Variants in SLAIN2 observed in about 807,000 individuals in gnomAD.
The protein encoded by SLAIN2 is SLAIN motif-containing protein 2.
In SLAIN2, 31 loss-of-function variants were observed where a neutral mutation model predicts 56.6. That is an observed-to-expected ratio of 0.55 (90% CI 0.41 to 0.74). The LOEUF is 0.74. Ranked by LOEUF, SLAIN2 falls within the 30% of genes least tolerant of loss-of-function variation. SLAIN2 has a pLI of 0.00. For synonymous variants in SLAIN2, 317 were observed against 284.9 expected (o/e 1.11, Z -1.13); for missense variants, 777 against 754.2 (o/e 1.03, Z -0.35).
chr4:48,385,913 G>T (rs1170232124), intron 6 of SLAIN2, among the ~76,000 whole-genome samples: 2 of 151,410 alleles, frequency 1.3e-5, no homozygotes, highest in South Asian at 4.2e-4. Context: ...ACCAGCCTGA[G>T]CAACACAAGA....
chr4:48,371,400 C>G (rs1337698603), intron 2 of SLAIN2, among the ~76,000 whole-genome samples: 2 of 151,932 alleles, frequency 1.3e-5, no homozygotes, highest in African/African-American at 2.4e-5. Context: ...AAAGCAATAG[C>G]CTTTATGTGA....
At position 48,358,353 on chromosome 4, in the gene SLAIN2, C is replaced by G. The variant is rs556062625; in HGVS notation, c.390-11496C>G. 1.4e-4 allele frequency among the ~76,000 whole-genome samples: 21 copies of G among 149,634 alleles called. No individual in the cohort carries two copies. In the South Asian group the frequency reaches 4.0e-3, roughly 29 times the overall value. On this transcript the variant is annotated intron_variant, in intron 1 of 7. Coordinates refer to ENST00000264313, the MANE Select transcript of SLAIN2 (RefSeq NM_020846.2). ...TTTTTTTTTGAGACGGAGTTTCACTCTTGTTGCCCATGCTGGAGTGCAATG... is the reference window on the plus strand; with the variant it reads ...TTTTTTTTTGAGACGGAGTTTCACTGTTGTTGCCCATGCTGGAGTGCAATG...
At chr4:48,355,718 C>A (rs564772524) in intron 1 of SLAIN2, among the ~76,000 whole-genome samples, 6 of 152,034 alleles carry the variant, frequency 3.9e-5, no homozygotes, top group African/African-American at 1.4e-4. Context: ...TTTAGCACTT[C>A]AATGTTAAGG....
Position 48,423,431 on chromosome 4 carries a change from G to T in SLAIN2, c.*1354G>T, listed in dbSNP as rs895426275. 1.4e-4 allele frequency: 21 copies of T among 152,220 alleles called. No homozygotes were observed. The highest frequency in any genetic ancestry group is 2.2e-4 in the Non-Finnish European group (15 of 68,002). 9.4% of individuals were successfully genotyped at this position (152,220 alleles called of 1,614,324 possible). ...CCTCTCATTTTTTATTATGAGGTCT[G>T]TTTTTAAATACTTAATTTGAACAGC... On this transcript the variant is annotated 3_prime_UTR_variant, in exon 8 of 8. Transcript: ENST00000264313.
intron 1 of SLAIN2, among the ~76,000 whole-genome samples, chr4:48,350,862 T>C (rs1714992905): frequency 6.6e-6 from 1 of 152,214 alleles, no homozygotes; most frequent in Non-Finnish European, 1.5e-5. Flanking sequence ...AAATATTGAT[T>C]CTATCTCCTT....
chr4:48,368,019 G>C (rs1333242116), intron 1 of SLAIN2, among the ~76,000 whole-genome samples: 1 of 140,420 alleles, frequency 7.1e-6, no homozygotes, highest in Non-Finnish European at 1.5e-5. Context: ...TTATGTGTCA[G>C]TATGCATTCA....
rs758038036 is a variant in SLAIN2 at position 48,420,412 on chromosome 4, C to T, written c.1648C>T (p.Pro550Ser). ...SAPSAGGIPV[P>S]RSKLAQPVRR... ...CCCTTCTGCTGGGGGCATACCAGTG[C>T]CTCGCAGCAAACTTGCACAGCCTGT... is the stretch of plus-strand genomic sequence containing the variant. Residue 550 changes from proline to serine, a missense_variant, in exon 7 of 8, where the codon CCT (proline) becomes TCT (serine). Coordinates refer to ENST00000264313, the MANE Select transcript of SLAIN2 (RefSeq NM_020846.2). 1.4e-5 allele frequency: 22 copies of T among 1,613,868 alleles called. No individual in the cohort carries two copies. The highest frequency in any genetic ancestry group is 8.5e-6 in the Non-Finnish European group (10 of 1,179,872).
intron 4 of SLAIN2, among the ~76,000 whole-genome samples, chr4:48,382,277 T>C (rs1357013460): frequency 6.6e-6 from 1 of 152,190 alleles, no homozygotes; most frequent in African/African-American, 2.4e-5. Flanking sequence ...GGTAGAAATA[T>C]TTTTAAATTT....
At chr4:48,383,269 T>C (rs2109763395) in intron 5 of SLAIN2, among the ~76,000 whole-genome samples, 1 of 152,238 alleles carries the variant, frequency 6.6e-6, no homozygotes, top group South Asian at 2.1e-4. Flanking sequence ...AGTTTTTGTA[T>C]TTCAGATAAG....
chr4:48,389,999 G>A lies in SLAIN2; in HGVS notation c.1360+6215G>A, dbSNP rs568063566. 4.6e-5 allele frequency among the ~76,000 whole-genome samples: 7 copies of A among 152,234 alleles called. No individual in the cohort carries two copies. The South Asian group carries it at 1.5e-3, about 32-fold the overall frequency. ...CTTAGGCTATTATTGCATAATCTAG[G>A]CAAGAAATTAAGATCTGAAGACACA... On this transcript the variant is annotated intron_variant, in intron 6 of 7. Transcript: ENST00000264313.
At chr4:48,376,832 C>T (rs1392819732) in intron 2 of SLAIN2, among the ~76,000 whole-genome samples, 7 of 150,162 alleles carry the variant, frequency 4.7e-5, no homozygotes, top group Admixed American at 2.7e-4. Context: ...ACCGTGGTCT[C>T]GAGCTCCTGA....
chr4:48,395,708 G>A (rs1716359275), intron 6 of SLAIN2, among the ~76,000 whole-genome samples: 1 of 148,798 alleles, frequency 6.7e-6, no homozygotes, highest in Non-Finnish European at 1.5e-5. Context: ...GGTCAGGTAT[G>A]TTAGTAATAG....
At chr4:48,398,418 G>A (rs1028674431) in intron 6 of SLAIN2, among the ~76,000 whole-genome samples, 1 of 151,734 alleles carries the variant, frequency 6.6e-6, no homozygotes, top group African/African-American at 2.4e-5. Context: ...TGGATAGATT[G>A]CAAAAACTTT....
chr4:48,374,725 A>G (rs537538545), intron 2 of SLAIN2, among the ~76,000 whole-genome samples: 4 of 152,200 alleles, frequency 2.6e-5, no homozygotes, highest in Non-Finnish European at 4.4e-5. Context: ...GAGGGTTGAT[A>G]ATGATAGCTA....
chr4:48,420,720 A>G (rs570608400), intron 7 of SLAIN2, among the ~76,000 whole-genome samples: 1 of 152,236 alleles, frequency 6.6e-6, no homozygotes, highest in Non-Finnish European at 1.5e-5. Context: ...GAGCCTCTCA[A>G]TTTGATTGTG....
Position 48,341,979 on chromosome 4 carries a change from G to A in SLAIN2, c.240G>A (p.Gly80=). ...GCGCCAAGTCGGGCGGCGGGCCCGGGTCGGGCCCGAGGCGGACGAGTAGCG... is the reference window on the plus strand; with the variant it reads ...GCGCCAAGTCGGGCGGCGGGCCCGGATCGGGCCCGAGGCGGACGAGTAGCG... ...GLSAKSGGGP[G]SGPRRTSSEE... is the part of the protein sequence containing the mutation. The change falls in exon 1 of 8, where the codon GGG becomes GGA. Residue 80 remains glycine (G), a synonymous_variant. Transcript: ENST00000264313. The A allele has an allele frequency of 2.8e-6, 4 of 1,434,380 alleles. No individual in the cohort carries two copies. Among genetic ancestry groups the A allele is most frequent in the East Asian group, 3.0e-5 (1 of 33,554 alleles). 88.9% of individuals were successfully genotyped at this position (1,434,380 alleles called of 1,614,324 possible).
intron 6 of SLAIN2, among the ~76,000 whole-genome samples, chr4:48,393,387 TGTGTGTGTGTGTGTGTGTGTG>T (rs1347004031): frequency 2.0e-4 from 2 of 10,182 alleles, no homozygotes; most frequent in African/African-American, 3.6e-4. Context: ...ATGTCTGGCT[TGTGTGTGTGTGTGTGTGTGTG>T]TGTGTGTGTG....
At chr4:48,385,946 T>C (rs530890277) in intron 6 of SLAIN2, among the ~76,000 whole-genome samples, 2 of 151,940 alleles carry the variant, frequency 1.3e-5, no homozygotes, top group African/African-American at 4.8e-5. Flanking sequence ...AAAAATGTTT[T>C]TTTTTTTTTA....
rs1472179054 is a variant in SLAIN2 at position 48,422,033 on chromosome 4, TATGGTAGC to T, written c.1706_1713del (p.Gly569GlufsTer3). The T allele has an allele frequency of 6.2e-7, 1 of 1,610,590 alleles. No homozygotes were observed. Among genetic ancestry groups the T allele is most frequent in the Non-Finnish European group, 8.5e-7 (1 of 1,178,552 alleles). On this transcript the variant is annotated frameshift_variant, in exon 8 of 8. Coordinates refer to ENST00000264313, the MANE Select transcript of SLAIN2 (RefSeq NM_020846.2). LOFTEE classifies it high-confidence loss of function. ...CAGATCCTTGCCAGCTCCTAAAACC[TATGGTAGC>T]ATGAAAGATGACAGTTGGAAAGATG... is the stretch of plus-strand genomic sequence containing the variant.
Sources: allele counts gnomAD v4.1 joint callset (sites outside exome capture counted in the v4.1 genomes callset), GRCh38; gene constraint gnomAD v4.1.1; transcripts MANE v1.5; gene names NCBI Gene and HGNC (gene_info 2026-07-23, HGNC 2026-07-21).